The following COL4A5 variants were observed in gnomAD, a reference collection of about 807,000 sequenced individuals.
The protein encoded by COL4A5 is collagen alpha-5(IV) chain.
In COL4A5, 26 loss-of-function variants were observed where a neutral mutation model predicts 130.2. That is an observed-to-expected ratio of 0.20 (90% confidence interval 0.15 to 0.28). The LOEUF is 0.28. Ranked by LOEUF, COL4A5 falls within the 10% of genes least tolerant of loss-of-function variation. COL4A5 has a pLI of 1.00. For missense variants in COL4A5, 1,131 were observed against 1,344.3 expected (o/e 0.84, Z 2.48); for synonymous variants, 496 against 439.6 (o/e 1.13, Z -1.60).
intron 36 of COL4A5, among the ~76,000 whole-genome samples, chrX:108,639,433 G>C (rs926492296): frequency 1.8e-5 from 2 of 111,175 alleles, no homozygotes; most frequent in African/African-American, 6.5e-5. Context: ...ACTCTTAGAA[G>C]AAAACATGGG....
Position 108,614,804 on chromosome X carries a change from G to A in COL4A5, c.2396-107G>A. 3 of 558,549 alleles carry A rather than the reference G, an allele frequency of 5.4e-6. No homozygotes were observed. In the South Asian group the frequency reaches 7.4e-5, roughly 14 times the overall value. 46.0% of individuals were successfully genotyped at this position (558,549 alleles called of 1,213,427 possible). A position where few individuals can be genotyped will look rare whatever the true frequency, so the allele number is the denominator to read the frequency against. Reference sequence around the variant, plus strand: ...GATACTTATGTGTACTTTTCTTGCTGAATGAATGCCCAGTTTTTCAAGATT... The same window carrying A: ...GATACTTATGTGTACTTTTCTTGCTAAATGAATGCCCAGTTTTTCAAGATT... On this transcript the variant is annotated intron_variant, in intron 29 of 52. Transcript: ENST00000328300.
At chrX:108,594,880 A>G (rs2066489151) in intron 21 of COL4A5, among the ~76,000 whole-genome samples, 1 of 110,575 alleles carries the variant, frequency 9.0e-6, no homozygotes, top group Non-Finnish European at 1.9e-5. Context: ...ATTTTTTTAG[A>G]CAGGGTCTTG....
At chrX:108,445,955 A>C (rs749138298) in intron 1 of COL4A5, among the ~76,000 whole-genome samples, 1 of 111,737 alleles carries the variant, frequency 8.9e-6, no homozygotes. Context: ...TATGTTTTTA[A>C]AAATAAATTT....
chrX:108,605,159 G>T (rs1229393962), intron 28 of COL4A5, among the ~76,000 whole-genome samples: 1 of 112,169 alleles, frequency 8.9e-6, no homozygotes, highest in Non-Finnish European at 1.9e-5. Flanking sequence ...TAACTGTTTA[G>T]TGCAAGAGAC....
chrX:108,539,582 C>T (rs1424552525), intron 1 of COL4A5, among the ~76,000 whole-genome samples, 164 bp from the exon 2 acceptor site: 3 of 111,918 alleles, frequency 2.7e-5, no homozygotes, highest in Non-Finnish European at 5.6e-5. Flanking sequence ...AAGGTGCAAG[C>T]TTCCTGAGAG....
intron 2 of COL4A5, among the ~76,000 whole-genome samples, chrX:108,541,217 T>C (rs1261264862): frequency 8.9e-6 from 1 of 112,068 alleles, no homozygotes; most frequent in Non-Finnish European, 1.9e-5. Context: ...GAACACTTAT[T>C]TGAGTAACAT....
At chrX:108,487,390 CAAA>C (rs139062835) in intron 1 of COL4A5, among the ~76,000 whole-genome samples, 3 of 53,432 alleles carry the variant, frequency 5.6e-5, no homozygotes, top group Non-Finnish European at 7.4e-5. Context: ...AACTCTGTCT[CAAA>C]AAAAAAAAAA....
chrX:108,521,261 T>A (rs2065262404), intron 1 of COL4A5, among the ~76,000 whole-genome samples: 1 of 111,327 alleles, frequency 9.0e-6, no homozygotes, highest in Admixed American at 9.6e-5. Context: ...AATTTGAATA[T>A]CTAGAATGCG....
rs146223261 is a variant in COL4A5 at position 108,677,529 on chromosome X, C to T, written c.3838C>T (p.Leu1280Phe). 27 of 1,206,181 alleles carry T rather than the reference C, an allele frequency of 2.2e-5. No homozygotes were observed. Among genetic ancestry groups the T allele is most frequent in the Non-Finnish European group, 3.0e-5 (27 of 891,961 alleles). The change falls in exon 44 of 53, where the codon CTC becomes TTC. Residue 1280 changes from leucine to phenylalanine, a missense_variant. Leu to Phe is a conservative substitution (Grantham distance 22, BLOSUM62 0). Transcript: ENST00000328300. ...ACCAGGTCCAGAAGGTCCTCCAGGT[C>T]TCCCTGGAAATGGAGGTATTAAAGG... ...GLPGPEGPPG[L>F]PGNGGIKGEK...
intron 36 of COL4A5, among the ~76,000 whole-genome samples, chrX:108,628,322 G>A (rs961948367): frequency 2.7e-5 from 3 of 110,841 alleles, no homozygotes; most frequent in Non-Finnish European, 5.7e-5. Flanking sequence ...CAGCATATAT[G>A]TGCCTTTTTA....
intron 26 of COL4A5, 57 bp from the exon 27 acceptor site, chrX:108,601,828 C>A: frequency 1.4e-6 from 1 of 706,408 alleles, no homozygotes; most frequent in Non-Finnish European, 2.2e-6. Flanking sequence ...CTGCACCTGG[C>A]CCTGATGGCT....
At chrX:108,494,366 T>C (rs1031122887) in intron 1 of COL4A5, among the ~76,000 whole-genome samples, 11 of 111,589 alleles carry the variant, frequency 9.9e-5, no homozygotes, top group African/African-American at 3.2e-4. Context: ...GAGGAAAAAA[T>C]ATCCGTAAGA....
chrX:108,444,199 G>C (rs988089128), intron 1 of COL4A5, among the ~76,000 whole-genome samples: 1 of 107,549 alleles, frequency 9.3e-6, no homozygotes, highest in Non-Finnish European at 1.9e-5. Flanking sequence ...TGGCACCACA[G>C]ATGTTCCAGA....
chrX:108,501,642 C>T (rs187074996), intron 1 of COL4A5, among the ~76,000 whole-genome samples: 86 of 112,252 alleles, frequency 7.7e-4, no homozygotes, highest in Admixed American at 1.3e-3. Context: ...AGAAAGCCAT[C>T]TGCTAACAAT....
chrX:108,633,827 A>G (rs1176980573), intron 36 of COL4A5, among the ~76,000 whole-genome samples: 8 of 111,763 alleles, frequency 7.2e-5, no homozygotes, highest in Admixed American at 5.7e-4. Flanking sequence ...TTATACCTTA[A>G]AATAGTGACA....
At chrX:108,584,997 T>C (rs192259845) in intron 18 of COL4A5, among the ~76,000 whole-genome samples, 268 of 111,730 alleles carry the variant, frequency 2.4e-3, no homozygotes, top group Non-Finnish European at 4.6e-3. Flanking sequence ...CTTTCCTGAG[T>C]GTGTGCTTTC....
intron 1 of COL4A5, among the ~76,000 whole-genome samples, chrX:108,485,046 T>C (rs1336799986): frequency 8.9e-6 from 1 of 112,109 alleles, no homozygotes; most frequent in Admixed American, 9.4e-5. Context: ...TCTGCCCTTA[T>C]CACAGGCAGA....
chrX:108,520,139 C>G (rs908588987), intron 1 of COL4A5, among the ~76,000 whole-genome samples: 1 of 111,084 alleles, frequency 9.0e-6, no homozygotes, highest in Non-Finnish European at 1.9e-5. Flanking sequence ...AGACTCAGTT[C>G]TGTTTAGGTT....
intron 1 of COL4A5, among the ~76,000 whole-genome samples, chrX:108,467,909 T>C (rs1255998766): frequency 1.8e-5 from 2 of 111,749 alleles, no homozygotes; most frequent in East Asian, 5.6e-4. Flanking sequence ...TCTTTAAGGC[T>C]TTCTGTATAC....
Sources: gnomAD v4.1 joint callset for allele counts (sites outside exome capture counted in the v4.1 genomes callset) on GRCh38, gnomAD v4.1.1 for gene constraint, MANE v1.5 for transcripts, NCBI Gene and HGNC (gene_info 2026-07-23, HGNC 2026-07-21) for gene names.